Variants in TRAF3IP2 observed in about 807,000 individuals in gnomAD.
The protein encoded by TRAF3IP2 is TRAF3 interacting protein 2.
A neutral mutation model predicts 57.9 loss-of-function variants in TRAF3IP2; 35 were observed. The ratio of observed to expected loss-of-function variants is 0.60; its 90% CI spans 0.46 to 0.80. The LOEUF (loss-of-function observed/expected upper bound fraction) is 0.80, where lower values mean the gene tolerates loss of function less well. Among genes scored for constraint, TRAF3IP2 ranks in the 30% least tolerant of loss-of-function variants. The pLI, the probability that TRAF3IP2 is intolerant of heterozygous loss-of-function variation, is 0.00. For missense variants in TRAF3IP2, 556 were observed against 706.4 expected, an observed-to-expected ratio of 0.79 and a Z score of 2.41; for synonymous variants, 251 against 268.9, an observed-to-expected ratio of 0.93 and a Z score of 0.65.
Position 111,566,503 on chromosome 6 carries a change from C to T in TRAF3IP2, c.1417G>A (p.Ala473Thr), listed in dbSNP as rs111815306. 2.4e-5 allele frequency: 38 copies of T among 1,614,168 alleles called. No individual in the cohort carries two copies. The South Asian group carries it at 2.4e-4, about 10-fold the overall frequency. ...SPKYKQDVEG[A>T]ESQLDEDEHG... ...TCATCCTCGTCCAGCTGCGACTCAG[C>T]GCCTTCCACGTCCTGTTTGTATTTG... is the stretch of plus-strand genomic sequence containing the variant. The change falls in exon 7 of 9, where the codon GCT becomes ACT. Residue 473 changes from alanine (A) to threonine (T), a missense_variant. By Grantham distance (58) the Ala-to-Thr change is moderately conservative. Transcript: ENST00000368761.
intron 1 of TRAF3IP2, among the ~76,000 whole-genome samples, chr6:111,592,500 T>G (rs1796554054): frequency 1.3e-5 from 2 of 152,232 alleles, no homozygotes; most frequent in Admixed American, 1.3e-4. Flanking sequence ...TATTGAGTTT[T>G]TTTTAAAAGC....
chr6:111,564,992 G>A (rs1350502998), intron 7 of TRAF3IP2, among the ~76,000 whole-genome samples: 1 of 152,194 alleles, frequency 6.6e-6, no homozygotes, highest in Non-Finnish European at 1.5e-5. Context: ...TTTTCAGGCA[G>A]TTTACTCCCA....
chr6:111,577,924 G>C (rs1796040487), intron 3 of TRAF3IP2, among the ~76,000 whole-genome samples: 1 of 151,398 alleles, frequency 6.6e-6, no homozygotes, highest in Non-Finnish European at 1.5e-5. Flanking sequence ...TGTTGCCCAG[G>C]CTGGTCTCAA....
At chr6:111,598,074 T>C (rs1796752863) in intron 1 of TRAF3IP2, 2 of 361,890 alleles carry the variant, frequency 5.5e-6, no homozygotes, top group African/African-American at 2.1e-5. Flanking sequence ...AGAGCGGGGC[T>C]GGAGGGCGAA....
intron 1 of TRAF3IP2, among the ~76,000 whole-genome samples, chr6:111,595,465 C>T (rs383515): frequency 0.11 from 16,141 of 152,288 alleles, 1,146 homozygotes; most frequent in Middle Eastern, 0.2. Context: ...CCCCTTCTGA[C>T]TATACGCCCA....
chr6:111,575,567 A>C (rs1464619862), intron 4 of TRAF3IP2, 76 bp downstream of exon 4: 1 of 1,501,964 alleles, frequency 6.7e-7, no homozygotes, highest in African/African-American at 1.5e-5. Context: ...CAGCCTGGGC[A>C]ACAGAGCGAG....
At chr6:111,585,668 T>C (rs1445306022) in intron 2 of TRAF3IP2, among the ~76,000 whole-genome samples, 1 of 152,178 alleles carries the variant, frequency 6.6e-6, no homozygotes, top group African/African-American at 2.4e-5. Flanking sequence ...AGAAATAGCT[T>C]CCCTGCGGAC....
intron 1 of TRAF3IP2, among the ~76,000 whole-genome samples, chr6:111,603,763 C>A (rs1417510521): frequency 6.6e-6 from 1 of 152,198 alleles, no homozygotes; most frequent in East Asian, 1.9e-4. Flanking sequence ...AAATGAGTAA[C>A]CCTGAGTTAA....
intron 3 of TRAF3IP2, among the ~76,000 whole-genome samples, chr6:111,579,651 GA>G (rs1361170905): frequency 1.3e-5 from 2 of 152,216 alleles, no homozygotes; most frequent in African/African-American, 4.8e-5. Context: ...AGGATCGCTT[GA>G]ACCTGTAAGG....
At chr6:111,601,203 C>T (rs1422716510) in intron 1 of TRAF3IP2, 1 of 779,214 alleles carries the variant, frequency 1.3e-6, no homozygotes, top group Non-Finnish European at 2.4e-6. Context: ...CACCTTGAAG[C>T]TGAGGAGGCA....
At chr6:111,574,842 C>G (rs1370682250) in intron 4 of TRAF3IP2, 1 of 152,164 alleles carries the variant, frequency 6.6e-6, no homozygotes, top group African/African-American at 2.4e-5. Context: ...GTCAGAATCA[C>G]TAAAAACATT....
chr6:111,601,312 G>T, intron 1 of TRAF3IP2: 1 of 655,074 alleles, frequency 1.5e-6, no homozygotes, highest in South Asian at 1.7e-5. Flanking sequence ...TGAGGCTGCA[G>T]AGGCATCTTG....
intron 3 of TRAF3IP2, among the ~76,000 whole-genome samples, chr6:111,579,220 G>A (rs1796085064): frequency 6.8e-6 from 1 of 147,070 alleles, no homozygotes. Flanking sequence ...AGGAGGCTAA[G>A]GCAGGAGAAT....
intron 1 of TRAF3IP2, among the ~76,000 whole-genome samples, chr6:111,598,518 T>A (rs989624331): frequency 1.3e-5 from 2 of 152,210 alleles, no homozygotes; most frequent in African/African-American, 4.8e-5. Context: ...GGAAGGGCTG[T>A]GTGAACTGAA....
chr6:111,605,003 G>A (rs192156585), intron 1 of TRAF3IP2, among the ~76,000 whole-genome samples: 11 of 152,020 alleles, frequency 7.2e-5, no homozygotes, highest in Non-Finnish European at 1.5e-5. Flanking sequence ...AATTGCCTAA[G>A]TCATGGAACC....
chr6:111,580,721 C>T (rs1418991898), intron 2 of TRAF3IP2, among the ~76,000 whole-genome samples: 1 of 152,214 alleles, frequency 6.6e-6, no homozygotes, highest in East Asian at 1.9e-4. Context: ...GAACCTCTTT[C>T]ACACCACCAT....
chr6:111,562,958 TG>T lies in TRAF3IP2; in HGVS notation c.1551+6del. The stretch of plus-strand genomic sequence containing the variant: ...ATTATGAGGATTTTGTTTCTTTGTT[TG>T]TTTACCTTCTTAGCATTTGGGAAGA... On this transcript the variant is annotated splice_donor_region_variant and intron_variant, in intron 8 of 8. Transcript: ENST00000368761. 6.2e-7 allele frequency: 1 copy of T among 1,605,788 alleles called. No individual in the cohort carries two copies. The highest frequency in any genetic ancestry group is 8.5e-7 in the Non-Finnish European group (1 of 1,175,516).
At chr6:111,604,918 T>G (rs138409273) in intron 1 of TRAF3IP2, among the ~76,000 whole-genome samples, 1 of 152,146 alleles carries the variant, frequency 6.6e-6, no homozygotes, top group Non-Finnish European at 1.5e-5. Context: ...TAAGGGAATT[T>G]GACACACTCA....
chr6:111,559,525 G>A lies in TRAF3IP2; in HGVS notation c.1578C>T (p.Asn526=). ...KKEHVPTWLQ[N]THVYSWPKNK... ...TCTTGGGCCAGCTGTAGACATGAGT[G>A]TTCTGAAGCCAGGTGGGCACATGCT... The change falls in exon 9 of 9, where the codon AAC becomes AAT. Residue 526 remains asparagine (N), a synonymous_variant. Transcript: ENST00000368761. The A allele has an allele frequency of 6.2e-7, 1 of 1,614,174 alleles. No homozygotes were observed.
Sources: allele counts gnomAD v4.1 joint callset (sites outside exome capture counted in the v4.1 genomes callset), GRCh38; gene constraint gnomAD v4.1.1; transcripts MANE v1.5; gene names NCBI Gene and HGNC (gene_info 2026-07-23, HGNC 2026-07-21).